The following ACSS3 variants were observed in gnomAD, a reference collection of about 807,000 sequenced individuals.
ACSS3 encodes the protein acyl-CoA synthetase short chain family member 3, also known as acyl-CoA synthetase short-chain family member 3, mitochondrial.
A neutral mutation model predicts 84.2 loss-of-function variants in ACSS3; 64 were observed. That is an observed-to-expected ratio of 0.76 (90% confidence interval 0.62 to 0.94). The LOEUF (loss-of-function observed/expected upper bound fraction) is 0.94, where lower values mean the gene tolerates loss of function less well. Among genes scored for constraint, ACSS3 ranks in the 40% least tolerant of loss-of-function variants. The pLI is 0.00. For synonymous variants in ACSS3, 317 were observed against 310.1 expected, an observed-to-expected ratio of 1.02 and a Z score of -0.23; for missense variants, 815 against 867.6, an observed-to-expected ratio of 0.94 and a Z score of 0.76.
At chr12:81,134,718 A>G in intron 2 of ACSS3, 98 bp from the exon 3 acceptor site, 1 of 1,116,818 alleles carries the variant, frequency 9.0e-7, no homozygotes, top group Non-Finnish European at 1.2e-6. Flanking sequence ...TTAATCTACT[A>G]CCAAGCGGGT....
intron 2 of ACSS3, among the ~76,000 whole-genome samples, chr12:81,114,473 C>T (rs972393551): frequency 4.6e-5 from 7 of 152,098 alleles, no homozygotes; most frequent in Non-Finnish European, 7.4e-5. Context: ...ATCAGTATTT[C>T]CTTAAGCAAA....
chr12:81,208,158 C>T (rs1263540235), intron 9 of ACSS3, among the ~76,000 whole-genome samples: 1 of 152,090 alleles, frequency 6.6e-6, no homozygotes, highest in Non-Finnish European at 1.5e-5. Context: ...TTACAAATTG[C>T]CTCTATGCCC....
intron 13 of ACSS3, among the ~76,000 whole-genome samples, chr12:81,240,487 A>T (rs1299278399): frequency 6.6e-6 from 1 of 151,926 alleles, no homozygotes; most frequent in African/African-American, 2.4e-5. Flanking sequence ...CTTGTTTTTG[A>T]TCTACTCTCT....
intron 2 of ACSS3, among the ~76,000 whole-genome samples, chr12:81,110,163 T>C (rs1265881605): frequency 3.3e-5 from 5 of 152,218 alleles, no homozygotes; most frequent in Non-Finnish European, 2.9e-5. Flanking sequence ...AAAATGCTGT[T>C]ATTCAGAGAG....
chr12:81,220,743 A>G (rs558364096), intron 11 of ACSS3, among the ~76,000 whole-genome samples: 2 of 152,132 alleles, frequency 1.3e-5, no homozygotes, highest in African/African-American at 4.8e-5. Context: ...AACATTTTAC[A>G]ATGGCGAATC....
chr12:81,233,535 A>G, intron 13 of ACSS3, 64 bp downstream of exon 13: 3 of 1,571,156 alleles, frequency 1.9e-6, no homozygotes, highest in Non-Finnish European at 2.6e-6. Flanking sequence ...ACTGAAGACA[A>G]TATTGAGGTT....
intron 2 of ACSS3, among the ~76,000 whole-genome samples, chr12:81,122,169 GATC>G (rs1884676254): frequency 6.6e-6 from 1 of 151,992 alleles, no homozygotes; most frequent in South Asian, 2.1e-4. Context: ...CTGACCTCTT[GATC>G]TGCCCTCCTT....
chr12:81,259,508 T>C lies in ACSS3; in HGVS notation c.*4586T>C. 3 of 833,610 alleles carry C rather than the reference T, an allele frequency of 3.6e-6. No homozygotes were observed. The highest frequency in any genetic ancestry group is 2.3e-5 in the Admixed American group (1 of 43,516). The allele number at this position is 833,610 out of a possible 1,614,324, so 51.6% of individuals were successfully genotyped here. A position where few individuals can be genotyped will look rare whatever the true frequency, so the allele number is the denominator to read the frequency against. ...CAATTTGTAGTAAACTAATCAAATG[T>C]AATATCTGACTCCCCCCAAAAATCA... On this transcript the variant is annotated 3_prime_UTR_variant, in exon 16 of 16. Transcript: ENST00000548058.
chr12:81,244,550 G>A (rs1255128788), intron 13 of ACSS3, among the ~76,000 whole-genome samples: 1 of 151,722 alleles, frequency 6.6e-6, no homozygotes, highest in Non-Finnish European at 1.5e-5. Flanking sequence ...GTTCTGTTTG[G>A]AGATTTCTTT....
chr12:81,200,889 C>CAAAAA, intron 9 of ACSS3, among the ~76,000 whole-genome samples: 1 of 56,530 alleles, frequency 1.8e-5, no homozygotes, highest in Middle Eastern at 9.8e-3. Context: ...GCAAGACTGT[C>CAAAAA]AAAAAAAAAA....
intron 9 of ACSS3, among the ~76,000 whole-genome samples, chr12:81,203,943 C>CA (rs2032226087): frequency 6.6e-6 from 1 of 151,680 alleles, no homozygotes; most frequent in African/African-American, 2.4e-5. Flanking sequence ...AAAGGGAAAA[C>CA]AAAAAGATAA....
chr12:81,249,051 A>G (rs1205722761), intron 13 of ACSS3, among the ~76,000 whole-genome samples: 1 of 152,028 alleles, frequency 6.6e-6, no homozygotes, highest in Non-Finnish European at 1.5e-5. Flanking sequence ...CCAAGTAAAA[A>G]TGAGGGCCTT....
At chr12:81,220,112 C>A (rs1271975555) in intron 11 of ACSS3, 36 bp downstream of exon 11, 4 of 1,366,508 alleles carry the variant, frequency 2.9e-6, no homozygotes, top group African/African-American at 1.5e-5. Flanking sequence ...TATTAAAGGG[C>A]AAAAACTGGT....
intron 8 of ACSS3, among the ~76,000 whole-genome samples, chr12:81,178,196 T>C (rs11534832): frequency 0.64 from 95,569 of 148,182 alleles, 31,579 homozygotes; most frequent in Non-Finnish European, 0.72. Flanking sequence ...TCATCATTCT[T>C]AGTAAACTAT....
intron 15 of ACSS3, among the ~76,000 whole-genome samples, chr12:81,253,906 A>G (rs1261687817): frequency 6.6e-6 from 1 of 152,084 alleles, no homozygotes; most frequent in African/African-American, 2.4e-5. Context: ...ATAAGAACCA[A>G]TGTGTGAAAA....
At chr12:81,079,749 G>A (rs929892685) in intron 1 of ACSS3, among the ~76,000 whole-genome samples, 3 of 152,134 alleles carry the variant, frequency 2.0e-5, no homozygotes, top group East Asian at 1.9e-4. Context: ...CAGACTACCT[G>A]GTCTGAGTTT....
chr12:81,195,953 A>G (rs2135886290), intron 8 of ACSS3, among the ~76,000 whole-genome samples: 1 of 152,280 alleles, frequency 6.6e-6, no homozygotes, highest in South Asian at 2.1e-4. Context: ...GGATTGTACC[A>G]TTATGTGAAG....
At chr12:81,252,745 C>A (rs2034192544) in intron 13 of ACSS3, among the ~76,000 whole-genome samples, 1 of 152,022 alleles carries the variant, frequency 6.6e-6, no homozygotes, top group East Asian at 1.9e-4. Flanking sequence ...TGGGGATTAT[C>A]TGATGTCAGG....
intron 2 of ACSS3, among the ~76,000 whole-genome samples, chr12:81,126,881 G>A (rs1344298559): frequency 6.6e-6 from 1 of 151,936 alleles, no homozygotes; most frequent in African/African-American, 2.4e-5. Context: ...TTCATTTGAA[G>A]AAAATTATTT....
Sources: gnomAD v4.1 joint callset for allele counts (sites outside exome capture counted in the v4.1 genomes callset) on GRCh38, gnomAD v4.1.1 for gene constraint, MANE v1.5 for transcripts, NCBI Gene and HGNC (gene_info 2026-07-23, HGNC 2026-07-21) for gene names.